Variants in UNC5C observed in about 807,000 individuals in gnomAD.
UNC5C encodes netrin receptor UNC5C.
Under a neutral mutation model 99.8 loss-of-function variants are expected in UNC5C, and 47 were observed. The ratio of observed to expected loss-of-function variants is 0.47; its 90% confidence interval spans 0.37 to 0.60. The LOEUF is 0.60. Ranked by LOEUF, UNC5C falls within the 20% of genes least tolerant of loss-of-function variation. UNC5C has a pLI of 0.00. For synonymous variants in UNC5C, 487 were observed against 452.2 expected (o/e 1.08, Z -0.98); for missense variants, 1,062 against 1,165.9 (o/e 0.91, Z 1.30).
intron 1 of UNC5C, among the ~76,000 whole-genome samples, chr4:95,476,557 C>T (rs891584639): frequency 1.4e-4 from 22 of 151,958 alleles, no homozygotes; most frequent in Non-Finnish European, 2.5e-4. Context: ...GTCCCTATTA[C>T]CTTTGCTAAA....
chr4:95,335,377 T>C (rs766139863), intron 2 of UNC5C, 33 bp downstream of exon 2: 2 of 1,569,032 alleles, frequency 1.3e-6, no homozygotes, highest in South Asian at 1.1e-5. Context: ...AAGTGAATCT[T>C]GAAGTGCAAT....
intron 1 of UNC5C, among the ~76,000 whole-genome samples, chr4:95,391,943 G>A (rs1317062169): frequency 6.6e-6 from 1 of 152,080 alleles, no homozygotes; most frequent in Non-Finnish European, 1.5e-5. Context: ...TGTCGTCCCA[G>A]CTACTCTGAA....
intron 1 of UNC5C, among the ~76,000 whole-genome samples, chr4:95,447,499 A>AT (rs759618615): frequency 7.1e-4 from 108 of 152,060 alleles, no homozygotes; most frequent in Non-Finnish European, 1.1e-3. Context: ...TTTATTATTT[A>AT]TTTATTTTTT....
intron 11 of UNC5C, among the ~76,000 whole-genome samples, chr4:95,203,827 G>A (rs1046919368): frequency 1.2e-4 from 18 of 152,128 alleles, no homozygotes; most frequent in African/African-American, 4.3e-4. Flanking sequence ...GTATGTGAAA[G>A]CAGGATTTTG....
intron 1 of UNC5C, among the ~76,000 whole-genome samples, chr4:95,479,451 G>C (rs931832850): frequency 3.3e-5 from 5 of 151,952 alleles, no homozygotes; most frequent in African/African-American, 1.2e-4. Context: ...CCAGGATTGA[G>C]ATCTTGTAGT....
chr4:95,462,470 T>C (rs1463485932), intron 1 of UNC5C, among the ~76,000 whole-genome samples: 3 of 152,204 alleles, frequency 2.0e-5, no homozygotes, highest in Non-Finnish European at 2.9e-5. Context: ...ATCACTCTAG[T>C]GCAGAATATA....
chr4:95,266,306 T>C (rs1740445980), intron 4 of UNC5C, among the ~76,000 whole-genome samples: 1 of 152,156 alleles, frequency 6.6e-6, no homozygotes, highest in Non-Finnish European at 1.5e-5. Context: ...GCTCTTGCAG[T>C]AGAAGGAGAA....
intron 12 of UNC5C, among the ~76,000 whole-genome samples, chr4:95,191,781 G>C (rs2149354896): frequency 8.9e-6 from 1 of 112,836 alleles, no homozygotes; most frequent in African/African-American, 3.5e-5. Flanking sequence ...CACCTCTTCT[G>C]CCCACCTTCC....
At chr4:95,244,685 T>C (rs1739437063) in intron 6 of UNC5C, among the ~76,000 whole-genome samples, 1 of 152,214 alleles carries the variant, frequency 6.6e-6, no homozygotes, top group Non-Finnish European at 1.5e-5. Context: ...ATCCTTTGAA[T>C]TATAAAATCT....
intron 14 of UNC5C, among the ~76,000 whole-genome samples, chr4:95,179,398 C>G (rs1204926425): frequency 1.3e-5 from 2 of 152,170 alleles, no homozygotes; most frequent in Non-Finnish European, 2.9e-5. Flanking sequence ...TAAGATCTAG[C>G]AAATATAAAA....
chr4:95,211,184 C>T (rs1051529130), intron 10 of UNC5C, among the ~76,000 whole-genome samples: 4 of 152,128 alleles, frequency 2.6e-5, no homozygotes, highest in Non-Finnish European at 5.9e-5. Flanking sequence ...TGTCTTTTAT[C>T]TGGTCCCTCA....
chr4:95,383,731 A>G (rs1745136158), intron 1 of UNC5C, among the ~76,000 whole-genome samples: 1 of 152,216 alleles, frequency 6.6e-6, no homozygotes, highest in South Asian at 2.1e-4. Context: ...AAGACCAAAC[A>G]TCAGTTTTAA....
chr4:95,346,487 T>A (rs954642131), intron 1 of UNC5C, among the ~76,000 whole-genome samples: 3 of 151,934 alleles, frequency 2.0e-5, no homozygotes, highest in Admixed American at 6.6e-5. Context: ...GAAATCAAAC[T>A]ACAGGTCAGT....
At chr4:95,256,401 G>A (rs1218050520) in intron 4 of UNC5C, among the ~76,000 whole-genome samples, 1 of 151,942 alleles carries the variant, frequency 6.6e-6, no homozygotes, top group Non-Finnish European at 1.5e-5. Flanking sequence ...CAATTACTTA[G>A]ACAAAAGCCT....
chr4:95,412,702 C>T (rs1267640819), intron 1 of UNC5C, among the ~76,000 whole-genome samples: 1 of 152,142 alleles, frequency 6.6e-6, no homozygotes, highest in East Asian at 1.9e-4. Flanking sequence ...TTGCCTTATT[C>T]ATGTAAGACA....
At chr4:95,471,285 G>A (rs1747960152) in intron 1 of UNC5C, among the ~76,000 whole-genome samples, 1 of 152,016 alleles carries the variant, frequency 6.6e-6, no homozygotes, top group Non-Finnish European at 1.5e-5. Context: ...GTGTGGATAA[G>A]TTTTCATGGA....
At chr4:95,228,561 T>G (rs747422512) in intron 7 of UNC5C, among the ~76,000 whole-genome samples, 2 of 152,206 alleles carry the variant, frequency 1.3e-5, no homozygotes, top group Non-Finnish European at 2.9e-5. Context: ...TAAAGGGATT[T>G]GTCTAACATT....
At chr4:95,491,304 A>G (rs1721484641) in intron 1 of UNC5C, among the ~76,000 whole-genome samples, 1 of 151,700 alleles carries the variant, frequency 6.6e-6, no homozygotes, top group Non-Finnish European at 1.5e-5. Context: ...AAAAGAAACA[A>G]TATTTTGTAA....
chr4:95,479,410 A>G (rs1019107042), intron 1 of UNC5C, among the ~76,000 whole-genome samples: 1 of 152,076 alleles, frequency 6.6e-6, no homozygotes, highest in African/African-American at 2.4e-5. Flanking sequence ...GAAGCAAGAG[A>G]TATGTTTCCT....
Sources: allele counts gnomAD v4.1 joint callset (sites outside exome capture counted in the v4.1 genomes callset), GRCh38; gene constraint gnomAD v4.1.1; transcripts MANE v1.5; gene names NCBI Gene and HGNC (gene_info 2026-07-23, HGNC 2026-07-21).